Variants in SLC71A1 observed in about 807,000 individuals in gnomAD.
SLC71A1 encodes the protein solute carrier family 71 member 1.
chr1:100,050,758 T>C, the SLC71A1 span, among the ~76,000 whole-genome samples: 3 of 152,158 alleles, frequency 2.0e-5, no homozygotes, highest in Admixed American at 1.3e-4. Context: ...TTTCTTGATA[T>C]ATTTATTGAC....
chr1:100,059,045 G>A, the SLC71A1 span, among the ~76,000 whole-genome samples: 1 of 150,214 alleles, frequency 6.7e-6, no homozygotes, highest in Non-Finnish European at 1.5e-5. Flanking sequence ...ACAGATTGAA[G>A]AGGAAAAAAC....
At chr1:100,050,746 T>C in the SLC71A1 span, among the ~76,000 whole-genome samples, 4 of 152,144 alleles carry the variant, frequency 2.6e-5, no homozygotes, top group Non-Finnish European at 5.9e-5. Context: ...TTACAGTACA[T>C]ATTTCTTGAT....
the SLC71A1 span, among the ~76,000 whole-genome samples, chr1:100,072,405 C>T: frequency 6.6e-6 from 1 of 152,116 alleles, no homozygotes; most frequent in Non-Finnish European, 1.5e-5. Flanking sequence ...CATCATTGTA[C>T]AGAATACAGT....
chr1:100,043,818 C>T, the SLC71A1 span, among the ~76,000 whole-genome samples: 2 of 152,338 alleles, frequency 1.3e-5, no homozygotes, highest in South Asian at 4.1e-4. Context: ...TTTGGTTTTC[C>T]ATTCCTGAAT....
chr1:100,081,946 T>C, the SLC71A1 span: 1 of 1,344,610 alleles, frequency 7.4e-7, no homozygotes. Context: ...GTATGTAGTT[T>C]CTCCTTATGA....
At chr1:100,074,065 G>A in the SLC71A1 span, among the ~76,000 whole-genome samples, 1 of 152,290 alleles carries the variant, frequency 6.6e-6, no homozygotes, top group African/African-American at 2.4e-5. Flanking sequence ...CTGCCTTCAA[G>A]AAGAAAATCA....
At chr1:100,080,371 A>G in the SLC71A1 span, 1 of 730,304 alleles carries the variant, frequency 1.4e-6, no homozygotes, top group East Asian at 2.5e-5. Context: ...TGACATTGCT[A>G]TAAATTGCTA....
At chr1:100,077,399 A>T in the SLC71A1 span, 1 of 609,286 alleles carries the variant, frequency 1.6e-6, no homozygotes. Context: ...TATCTTTCAA[A>T]ATGTGTCTAA....
chr1:100,080,617 A>G, the SLC71A1 span: 3 of 1,614,142 alleles, frequency 1.9e-6, no homozygotes, highest in Non-Finnish European at 1.7e-6. Flanking sequence ...TAACAGGAAC[A>G]GACTTGGGAA....
At chr1:100,075,076 A>G in the SLC71A1 span, among the ~76,000 whole-genome samples, 3 of 152,330 alleles carry the variant, frequency 2.0e-5, no homozygotes, top group South Asian at 4.1e-4. Flanking sequence ...TTGAAGGGCT[A>G]TGAGATGACC....
the SLC71A1 span, chr1:100,061,710 T>C: frequency 1.5e-6 from 1 of 663,222 alleles, no homozygotes; most frequent in Non-Finnish European, 2.7e-6. Context: ...AGTTAATCCA[T>C]GAACTATCCT....
the SLC71A1 span, among the ~76,000 whole-genome samples, chr1:100,059,144 G>GTGTTT: frequency 1.3e-5 from 1 of 75,416 alleles, no homozygotes; most frequent in Non-Finnish European, 2.5e-5. Flanking sequence ...TCTTTTTCGT[G>GTGTTT]TTTTTTTTTT....
the SLC71A1 span, among the ~76,000 whole-genome samples, chr1:100,074,682 G>T: frequency 6.6e-6 from 1 of 151,982 alleles, no homozygotes; most frequent in African/African-American, 2.4e-5. Context: ...TTCGAAACCA[G>T]CCTGGCCAAT....
the SLC71A1 span, chr1:100,058,616 T>C: frequency 2.2e-5 from 21 of 965,910 alleles, no homozygotes; most frequent in Admixed American, 3.9e-4. Flanking sequence ...AGAAATTTTA[T>C]TAAGACTGAA....
At chr1:100,072,682 C>G in the SLC71A1 span, among the ~76,000 whole-genome samples, 19 of 152,056 alleles carry the variant, frequency 1.2e-4, no homozygotes, top group African/African-American at 9.6e-5. Context: ...ATGATTAGAT[C>G]TGGTAACCGG....
chr1:100,081,464 C>T, the SLC71A1 span, among the ~76,000 whole-genome samples: 1 of 152,122 alleles, frequency 6.6e-6, no homozygotes, highest in African/African-American at 2.4e-5. Flanking sequence ...CTCTATCTCC[C>T]AAGTTCAAGC....
the SLC71A1 span, among the ~76,000 whole-genome samples, chr1:100,067,788 C>T: frequency 1.4e-4 from 21 of 151,990 alleles, no homozygotes; most frequent in Admixed American, 4.6e-4. Flanking sequence ...CCAGCCTGGG[C>T]GACAGAGCAA....
the SLC71A1 span, among the ~76,000 whole-genome samples, chr1:100,042,752 C>A: frequency 1.3e-5 from 2 of 152,102 alleles, no homozygotes; most frequent in East Asian, 3.8e-4. Context: ...GGATTACAGG[C>A]ATGTGCCATC....
chr1:100,042,328 A>AT, the SLC71A1 span, among the ~76,000 whole-genome samples: 1 of 152,200 alleles, frequency 6.6e-6, no homozygotes, highest in African/African-American at 2.4e-5. Flanking sequence ...TAAAATTGAT[A>AT]TATCATTTGA....
Sources: allele counts gnomAD v4.1 joint callset (sites outside exome capture counted in the v4.1 genomes callset), GRCh38; gene constraint gnomAD v4.1.1; transcripts MANE v1.5; gene names NCBI Gene and HGNC (gene_info 2026-07-23, HGNC 2026-07-21).